The following BIN1 variants were observed in gnomAD, a reference collection of about 807,000 sequenced individuals.
The protein encoded by BIN1 is myc box-dependent-interacting protein 1.
A neutral mutation model predicts 82.0 loss-of-function variants in BIN1; 53 were observed. That is an observed-to-expected ratio of 0.65 (90% CI 0.52 to 0.81). The LOEUF (loss-of-function observed/expected upper bound fraction) is 0.81, where lower values mean the gene tolerates loss of function less well. BIN1 is among the 40% of genes least tolerant of loss of function. The probability of loss-of-function intolerance (pLI) is 0.00; values close to 1 mark genes in which losing one functional copy is unlikely to be tolerated. For synonymous variants in BIN1, 302 were observed against 328.0 expected (o/e 0.92, Z 0.86); for missense variants, 642 against 784.4 (o/e 0.82, Z 2.17).
rs554944959 is a variant in BIN1 at position 127,093,680 on chromosome 2, C to G, written c.84+13180G>C. Among the ~76,000 whole-genome samples the G allele has an allele frequency of 6.6e-6, 1 of 152,204 alleles. No homozygotes were observed. The highest frequency in any genetic ancestry group is 1.5e-5 in the Non-Finnish European group (1 of 68,048). The stretch of plus-strand genomic sequence containing the variant: ...TTGCATCTTCATCGTTGAAGGCTCC[C>G]GTGTCATGTAAAACATTGATTAAAG... On this transcript the variant is annotated intron_variant, in intron 1 of 18. Transcript: ENST00000316724. This position sits in a 1 kb window ranked among gnomAD's most constrained non-coding sequence, Gnocchi z 5.7.
At chr2:127,087,938 T>G (rs984376091) in intron 1 of BIN1, among the ~76,000 whole-genome samples, 2 of 151,268 alleles carry the variant, frequency 1.3e-5, no homozygotes, top group African/African-American at 4.9e-5. Context: ...AACAGAGGAG[T>G]TTCTAGAAGG....
rs10207628 is a variant in BIN1 at position 127,094,445 on chromosome 2, G to A, written c.84+12415C>T. Among the ~76,000 whole-genome samples, 918 of 152,114 alleles carry A rather than the reference G, an allele frequency of 6.0e-3. 14 individuals are homozygous for A. Among genetic ancestry groups the A allele is most frequent in the Non-Finnish European group, 4.1e-3 (280 of 67,976 alleles). On this transcript the variant is annotated intron_variant, in intron 1 of 18. Coordinates refer to ENST00000316724, the MANE Select transcript of BIN1 (RefSeq NM_139343.3). Reference sequence around the variant, plus strand: ...AGCAAACAGGGTTTGCTGTTAGCCCGTTTTATGGAAGTCAAAAGGAGATGA... The same window carrying A: ...AGCAAACAGGGTTTGCTGTTAGCCCATTTTATGGAAGTCAAAAGGAGATGA...
At chr2:127,094,409 G>A (rs1667864430) in intron 1 of BIN1, among the ~76,000 whole-genome samples, 1 of 152,290 alleles carries the variant, frequency 6.6e-6, no homozygotes, top group Non-Finnish European at 1.5e-5. Flanking sequence ...TCCCCCTTCA[G>A]GATTGAGACC....
intron 9 of BIN1, 44 bp downstream of exon 9, chr2:127,063,527 G>A (rs1368206053): frequency 2.5e-6 from 4 of 1,591,288 alleles, no homozygotes; most frequent in Non-Finnish European, 3.4e-6. Flanking sequence ...CTGACCCTCG[G>A]CCAGGGTGGG....
rs4663092 is a variant in BIN1, at chr2:127,081,619, G to A, written c.85-4913C>T. Among the ~76,000 whole-genome samples the A allele has an allele frequency of 0.038, 5,794 of 152,210 alleles. 261 individuals are homozygous for A. Among genetic ancestry groups the A allele is most frequent in the East Asian group, 0.17 (871 of 5,150 alleles). On this transcript the variant is annotated intron_variant, in intron 1 of 18. Transcript: ENST00000316724. ...GCCTAAGGAAGGAGGGGTGAGGGCCGCGTTCCCAGTCACTCTGGTCCTGGC... is the reference window on the plus strand; with the variant it reads ...GCCTAAGGAAGGAGGGGTGAGGGCCACGTTCCCAGTCACTCTGGTCCTGGC...
rs781377841 is a variant in BIN1 at position 127,059,061 on chromosome 2, G to A, written c.952C>T (p.Pro318Ser). The part of the protein sequence containing the change: ...PEIRVNHEPE[P>S]AGGATPGATL... ...GCCCCGGGCGTGGCCCCGCCGGCCG[G>A]CTCTGGCTCGTGGTTGACTCTGATC... The change falls in exon 11 of 19, where the codon CCG (proline) becomes TCG (serine). Residue 318 changes from proline to serine, a missense_variant. Pro to Ser is a moderately conservative substitution (Grantham distance 74). Transcript: ENST00000316724. This position sits in a 1 kb window ranked among gnomAD's most constrained non-coding sequence, Gnocchi z 6.7. The A allele has an allele frequency of 3.8e-6, 6 of 1,581,168 alleles. No individual in the cohort carries two copies. The highest frequency in any genetic ancestry group is 5.2e-6 in the Non-Finnish European group (6 of 1,164,170).
At chr2:127,100,502 G>T (rs1369829245) in intron 1 of BIN1, among the ~76,000 whole-genome samples, 2 of 152,180 alleles carry the variant, frequency 1.3e-5, no homozygotes, top group Admixed American at 6.5e-5. Context: ...AAGCCCAGAC[G>T]GCCCACTGGG....
In BIN1 at chr2:127,076,728, G is replaced by A. The variant is rs375206788; in HGVS notation, c.85-22C>T. On this transcript the variant is annotated intron_variant, in intron 1 of 18. Transcript: ENST00000316724. The stretch of plus-strand genomic sequence containing the variant: ...GAACCTGCCGAAGCCAAGAGAGAAG[G>A]GGAGAGTGTTACCTTGGAAAGGAGA... 76 of 1,613,768 alleles carry A rather than the reference G, an allele frequency of 4.7e-5. No individual in the cohort carries two copies. In the African/African-American group the frequency reaches 9.3e-4, roughly 20 times the overall value.
rs758722289 is a variant in BIN1, at chr2:127,093,681, G to A, written c.84+13179C>T. On this transcript the variant is annotated intron_variant, in intron 1 of 18. Coordinates refer to ENST00000316724, the MANE Select transcript of BIN1 (RefSeq NM_139343.3). This position sits in a 1 kb window ranked among gnomAD's most constrained non-coding sequence, Gnocchi z 5.7. Reference sequence around the variant, plus strand: ...TGCATCTTCATCGTTGAAGGCTCCCGTGTCATGTAAAACATTGATTAAAGA... The same window carrying A: ...TGCATCTTCATCGTTGAAGGCTCCCATGTCATGTAAAACATTGATTAAAGA... Among the ~76,000 whole-genome samples the A allele has an allele frequency of 3.9e-5, 6 of 152,202 alleles. No individual in the cohort carries two copies. Among genetic ancestry groups the A allele is most frequent in the Non-Finnish European group, 8.8e-5 (6 of 68,038 alleles).
Position 127,057,401 on chromosome 2 carries a change from G to A in BIN1, c.1131+72C>T, listed in dbSNP as rs1573569717. 2.7e-6 allele frequency: 4 copies of A among 1,461,364 alleles called. No individual in the cohort carries two copies. The East Asian group carries it at 1.0e-4, about 37-fold the overall frequency. The allele number at this position is 1,461,364 out of a possible 1,614,324, so 90.5% of individuals were successfully genotyped here. On this transcript the variant is annotated intron_variant, in intron 12 of 18. Transcript: ENST00000316724. The surrounding 1 kb of genome is among the most constrained non-coding windows in gnomAD (Gnocchi z 5.0). ...TCCTGGCTCTTGAGACAGAAGCATA[G>A]AGGATGAAGGCCATGCACGCCCTGA...
intron 1 of BIN1, among the ~76,000 whole-genome samples, chr2:127,077,447 A>G (rs906493863): frequency 6.6e-6 from 1 of 152,104 alleles, no homozygotes; most frequent in African/African-American, 2.4e-5. Flanking sequence ...GAGATGAAGG[A>G]TGGGTGGGCA....
intron 2 of BIN1, 74 bp downstream of exon 2, chr2:127,076,552 T>G (rs1415077500): frequency 6.4e-7 from 1 of 1,550,522 alleles, no homozygotes; most frequent in East Asian, 2.2e-5. Context: ...CTCCACAAAT[T>G]CAGCTCGTGC....
chr2:127,052,183 G>A (rs1683040214), intron 15 of BIN1, 72 bp downstream of exon 15: 30 of 1,462,780 alleles, frequency 2.1e-5, no homozygotes, highest in East Asian at 9.9e-5. Context: ...ACCCCTCCTC[G>A]GGGCTCTCCT....
At chr2:127,069,582 C>T (rs1685597661) in intron 5 of BIN1, among the ~76,000 whole-genome samples, 1 of 152,240 alleles carries the variant, frequency 6.6e-6, no homozygotes, top group African/African-American at 2.4e-5. Flanking sequence ...CACACACCCA[C>T]ACATGTAGAC....
chr2:127,107,064 C>A lies in BIN1; in HGVS notation c.-121G>T. 9.4e-7 allele frequency: 1 copy of A among 1,064,940 alleles called. No homozygotes were observed. The highest frequency in any genetic ancestry group is 1.2e-6 in the Non-Finnish European group (1 of 808,884). 66.0% of individuals were successfully genotyped at this position (1,064,940 alleles called of 1,614,324 possible). A position where few individuals can be genotyped will look rare whatever the true frequency, so the allele number is the denominator to read the frequency against. ...ACCGGCTGCCGCTCCACGCCGCGCA[C>A]CCGACAGCGGAGCCAACTGACGGAG... On this transcript the variant is annotated 5_prime_UTR_variant, in exon 1 of 19. Transcript: ENST00000316724. The surrounding 1 kb of genome is among the most constrained non-coding windows in gnomAD (Gnocchi z 5.9).
At chr2:127,074,430 C>G (rs1396741303) in intron 2 of BIN1, among the ~76,000 whole-genome samples, 5 of 152,194 alleles carry the variant, frequency 3.3e-5, no homozygotes, top group Admixed American at 6.5e-5. Flanking sequence ...CGGGGGCAGA[C>G]AGAGGCCCAG....
At chr2:127,069,722 C>T (rs1685619691) in intron 5 of BIN1, among the ~76,000 whole-genome samples, 1 of 142,960 alleles carries the variant, frequency 7.0e-6, no homozygotes, top group Non-Finnish European at 1.5e-5. Flanking sequence ...TAGCCAGCCA[C>T]TCCGCAGCAA....
intron 12 of BIN1, chr2:127,054,758 G>C (rs1323929259): frequency 6.5e-6 from 1 of 152,684 alleles, no homozygotes; most frequent in Non-Finnish European, 1.5e-5. Context: ...GTGAGCCCAG[G>C]AATAGGCATG....
intron 2 of BIN1, among the ~76,000 whole-genome samples, chr2:127,076,042 G>A (rs116577590): frequency 0.02 from 2,692 of 134,584 alleles, 85 homozygotes; most frequent in African/African-American, 0.07. Flanking sequence ...CCCGGCCCTC[G>A]CAGCTGCTCC....
Sources: gnomAD v4.1 joint callset for allele counts (sites outside exome capture counted in the v4.1 genomes callset) on GRCh38, gnomAD v4.1.1 for gene constraint, Gnocchi (gnomAD v3.1) non-coding constraint, MANE v1.5 for transcripts, NCBI Gene and HGNC (gene_info 2026-07-23, HGNC 2026-07-21) for gene names.